Variants in NRXN3 observed in about 807,000 individuals in gnomAD.
The protein encoded by NRXN3 is neurexin 3, also known as neurexin III.
In NRXN3, 32 loss-of-function variants were observed where a neutral mutation model predicts 137.6. The ratio of observed to expected loss-of-function variants is 0.23; its 90% CI spans 0.18 to 0.31. The LOEUF is 0.31. Ranked by LOEUF, NRXN3 falls within the 10% of genes least tolerant of loss-of-function variation. The probability of loss-of-function intolerance (pLI) is 1.00; values close to 1 mark genes in which losing one functional copy is unlikely to be tolerated. For synonymous variants in NRXN3, 798 were observed against 784.5 expected (o/e 1.02, Z -0.29); for missense variants, 1,574 against 2,062.5 (o/e 0.76, Z 4.59).
At chr14:78,235,040 G>GTA (rs1338237743) in intron 1 of NRXN3, among the ~76,000 whole-genome samples, 3 of 103,806 alleles carry the variant, frequency 2.9e-5, no homozygotes, top group Admixed American at 1.0e-4. Context: ...ATATATATGT[G>GTA]TGTGTGTGTG....
chr14:78,893,900 A>G (rs1410028233), intron 10 of NRXN3, among the ~76,000 whole-genome samples: 1 of 151,944 alleles, frequency 6.6e-6, no homozygotes, highest in Admixed American at 6.6e-5. Flanking sequence ...TATAAAAGTT[A>G]TTTTTACTCT....
chr14:79,206,740 T>C (rs2066850499), intron 15 of NRXN3, among the ~76,000 whole-genome samples: 1 of 152,226 alleles, frequency 6.6e-6, no homozygotes, highest in Non-Finnish European at 1.5e-5. Context: ...AGAATTTTTC[T>C]TTTCTTTTTG....
intron 15 of NRXN3, among the ~76,000 whole-genome samples, chr14:79,035,096 T>C (rs1170432926): frequency 6.6e-6 from 1 of 152,156 alleles, no homozygotes; most frequent in East Asian, 1.9e-4. Flanking sequence ...ACTTTAGCTC[T>C]TTTACACTTT....
At chr14:79,267,765 C>T (rs1408297048) in intron 15 of NRXN3, among the ~76,000 whole-genome samples, 2 of 152,190 alleles carry the variant, frequency 1.3e-5, no homozygotes, top group African/African-American at 2.4e-5. Flanking sequence ...TGAGCTACCA[C>T]ACCCAGCTGA....
chr14:79,401,864 A>AG (rs1243218891), intron 15 of NRXN3, among the ~76,000 whole-genome samples: 1 of 151,672 alleles, frequency 6.6e-6, no homozygotes, highest in African/African-American at 2.4e-5. Context: ...AAAAAAAAAA[A>AG]CAATGAGTAT....
chr14:78,366,452 C>T (rs2085951385), intron 4 of NRXN3, among the ~76,000 whole-genome samples: 2 of 152,148 alleles, frequency 1.3e-5, no homozygotes, highest in South Asian at 4.1e-4. Context: ...AATATTAGAA[C>T]TTATAGAAAA....
At chr14:79,002,917 C>G (rs1229235845) in intron 15 of NRXN3, among the ~76,000 whole-genome samples, 7 of 152,120 alleles carry the variant, frequency 4.6e-5, no homozygotes, top group Admixed American at 4.6e-4. Flanking sequence ...AATTAGAAAC[C>G]TAAGTAGGTT....
intron 20 of NRXN3, among the ~76,000 whole-genome samples, chr14:79,820,395 C>T (rs1459311587): frequency 6.6e-6 from 1 of 152,142 alleles, no homozygotes; most frequent in Non-Finnish European, 1.5e-5. Flanking sequence ...CGTGTTCTAC[C>T]ACCTGGCAGC....
chr14:78,843,284 C>T (rs922470488), intron 10 of NRXN3, among the ~76,000 whole-genome samples: 4 of 152,124 alleles, frequency 2.6e-5, no homozygotes, highest in African/African-American at 9.7e-5. Context: ...GGGGTCCCTG[C>T]CTTCCTGCAA....
At chr14:78,518,493 C>T (rs1415479627) in intron 4 of NRXN3, among the ~76,000 whole-genome samples, 1 of 151,928 alleles carries the variant, frequency 6.6e-6, no homozygotes, top group Non-Finnish European at 1.5e-5. Context: ...AAGTGAGGTC[C>T]CCAAAGAAAA....
At chr14:79,431,061 C>G (rs868803627) in intron 15 of NRXN3, among the ~76,000 whole-genome samples, 2 of 152,294 alleles carry the variant, frequency 1.3e-5, no homozygotes, top group African/African-American at 4.8e-5. Flanking sequence ...CTCTTACCTC[C>G]TTTCTCAGAT....
At chr14:78,680,189 T>C (rs370078428) in intron 6 of NRXN3, among the ~76,000 whole-genome samples, 1 of 151,976 alleles carries the variant, frequency 6.6e-6, no homozygotes, top group African/African-American at 2.4e-5. Context: ...TGAGAACACA[T>C]GGACACATAG....
chr14:79,732,491 C>A (rs905436605), intron 19 of NRXN3, among the ~76,000 whole-genome samples: 1 of 152,032 alleles, frequency 6.6e-6, no homozygotes, highest in African/African-American at 2.4e-5. Flanking sequence ...TAAGGCCAGT[C>A]CTGTTAGGCA....
At chr14:78,760,034 CTTTTTTTTTT>C (rs61320632) in intron 8 of NRXN3, among the ~76,000 whole-genome samples, 5 of 86,732 alleles carry the variant, frequency 5.8e-5, no homozygotes, top group East Asian at 3.5e-4. Context: ...AGCCTGCAGT[CTTTTTTTTTT>C]TTTTTTTTTT....
chr14:79,736,537 G>A (rs192792415), intron 19 of NRXN3, among the ~76,000 whole-genome samples: 445 of 150,266 alleles, frequency 3.0e-3, no homozygotes, highest in Non-Finnish European at 5.2e-3. Context: ...GTGTAGATGT[G>A]TGTTGGGGTG....
At chr14:78,389,302 C>T (rs1043926437) in intron 4 of NRXN3, among the ~76,000 whole-genome samples, 1 of 152,108 alleles carries the variant, frequency 6.6e-6, no homozygotes, top group African/African-American at 2.4e-5. Context: ...GTGATCCGTC[C>T]TCCTCAGCCT....
intron 2 of NRXN3, among the ~76,000 whole-genome samples, chr14:78,257,874 G>A (rs1237604879): frequency 1.3e-5 from 2 of 152,204 alleles, no homozygotes; most frequent in African/African-American, 2.4e-5. Flanking sequence ...AAGGCTTAAG[G>A]AGGGAAGCTA....
chr14:78,571,014 C>G (rs898426303), intron 4 of NRXN3, among the ~76,000 whole-genome samples: 1 of 152,162 alleles, frequency 6.6e-6, no homozygotes, highest in African/African-American at 2.4e-5. Flanking sequence ...TGGGGACAGT[C>G]CCAGCAGCAG....
intron 4 of NRXN3, among the ~76,000 whole-genome samples, chr14:78,357,584 C>T (rs1384802656): frequency 2.6e-5 from 4 of 152,242 alleles, no homozygotes; most frequent in East Asian, 1.9e-4. Flanking sequence ...TCTAAAATCA[C>T]GTCTTTGCCC....
Sources: gnomAD v4.1 joint callset for allele counts (sites outside exome capture counted in the v4.1 genomes callset) on GRCh38, gnomAD v4.1.1 for gene constraint, MANE v1.5 for transcripts, NCBI Gene and HGNC (gene_info 2026-07-23, HGNC 2026-07-21) for gene names.